MAD1L1: variants seen among roughly 807,000 people sequenced by gnomAD.
The protein encoded by MAD1L1 is mitotic spindle assembly checkpoint protein MAD1.
In MAD1L1, 95 loss-of-function variants were observed where a neutral mutation model predicts 96.9. The ratio of observed to expected loss-of-function variants is 0.98; its 90% confidence interval spans 0.83 to 1.16. MAD1L1 has a LOEUF of 1.16. Among genes scored for constraint, MAD1L1 ranks in the 50% most tolerant of loss-of-function variants. The pLI, the probability that MAD1L1 is intolerant of heterozygous loss-of-function variation, is 0.00. For missense variants in MAD1L1, 1,007 were observed against 954.4 expected (o/e 1.06, Z -0.73); for synonymous variants, 473 against 396.6 (o/e 1.19, Z -2.29).
chr7:2,213,346 A>G, intron 9 of MAD1L1, 73 bp from the exon 10 acceptor site: 1 of 1,406,244 alleles, frequency 7.1e-7, no homozygotes, highest in Non-Finnish European at 1.0e-6. Context: ...GACAATCATG[A>G]TCACGGTGCT....
chr7:2,213,838 C>A (rs1793114449), intron 9 of MAD1L1, among the ~76,000 whole-genome samples: 1 of 152,228 alleles, frequency 6.6e-6, no homozygotes, highest in African/African-American at 2.4e-5. Context: ...ATGCCTGTCC[C>A]ATGCTGAGCC....
chr7:2,085,088 A>C (rs1297391456), intron 11 of MAD1L1, among the ~76,000 whole-genome samples: 1 of 152,136 alleles, frequency 6.6e-6, no homozygotes, highest in East Asian at 1.9e-4. Context: ...CAAGAATTCA[A>C]CGCCGGTCTT....
At chr7:2,184,596 G>T (rs1791370941) in intron 10 of MAD1L1, among the ~76,000 whole-genome samples, 1 of 152,216 alleles carries the variant, frequency 6.6e-6, no homozygotes, top group Non-Finnish European at 1.5e-5. Context: ...CACATGAGAT[G>T]TGGATGTGAA....
chr7:2,162,872 CTTTTTT>C (rs1027364147), intron 10 of MAD1L1, among the ~76,000 whole-genome samples: 2 of 133,794 alleles, frequency 1.5e-5, no homozygotes, highest in Non-Finnish European at 1.6e-5. Context: ...GGAGTTTCAT[CTTTTTT>C]TTTTTTTTTG....
intron 16 of MAD1L1, among the ~76,000 whole-genome samples, chr7:1,941,257 G>A (rs867351102): frequency 8.5e-5 from 13 of 152,238 alleles, no homozygotes; most frequent in Middle Eastern, 3.4e-3. Flanking sequence ...AACGTTCCAC[G>A]GGCAGGAACG....
chr7:2,075,892 G>A (rs1049980714), intron 11 of MAD1L1, among the ~76,000 whole-genome samples: 8 of 152,172 alleles, frequency 5.3e-5, no homozygotes, highest in Admixed American at 3.3e-4. Context: ...GTGAGCACCC[G>A]CCAAGGCAAG....
intron 17 of MAD1L1, among the ~76,000 whole-genome samples, chr7:1,924,333 C>G (rs1357881182): frequency 6.6e-6 from 1 of 152,222 alleles, no homozygotes; most frequent in African/African-American, 2.4e-5. Flanking sequence ...CACATGAATT[C>G]CTTCCCGTCC....
intron 18 of MAD1L1, among the ~76,000 whole-genome samples, chr7:1,889,847 C>G (rs1393968632): frequency 6.6e-6 from 1 of 152,164 alleles, no homozygotes; most frequent in African/African-American, 2.4e-5. Context: ...CCCACCCAGG[C>G]AGAGGCCCAG....
intron 9 of MAD1L1, 92 bp downstream of exon 9, chr7:2,215,793 G>T: frequency 8.6e-7 from 1 of 1,160,444 alleles, no homozygotes; most frequent in Non-Finnish European, 1.3e-6. Flanking sequence ...CATGTTGTAG[G>T]TGAGCAGCTG....
At chr7:1,966,096 T>C (rs545805635) in intron 15 of MAD1L1, among the ~76,000 whole-genome samples, 1 of 152,332 alleles carries the variant, frequency 6.6e-6, no homozygotes, top group African/African-American at 2.4e-5. Context: ...ATAGCTAAGC[T>C]GACAGGCACT....
intron 10 of MAD1L1, among the ~76,000 whole-genome samples, chr7:2,159,579 T>C (rs976381687): frequency 2.0e-5 from 3 of 152,222 alleles, no homozygotes; most frequent in African/African-American, 7.2e-5. Context: ...TGTTTTTTAT[T>C]TTGTTCTGTT....
In MAD1L1 at chr7:2,216,249, T is replaced by C. The variant is rs1279578380; in HGVS notation, c.717A>G (p.Ala239=). 1.2e-6 allele frequency: 2 copies of C among 1,614,156 alleles called. No homozygotes were observed. Among genetic ancestry groups the C allele is most frequent in the Non-Finnish European group, 1.7e-6 (2 of 1,180,042 alleles). ...EQKLSLQEQD[A]AIVKNMKSEL... is the part of the protein sequence containing the mutation. The stretch of plus-strand genomic sequence containing the variant: ...CAGACTTCATGTTCTTCACAATCGC[T>C]GCATCCTGCTCTTGCAGGGACAGCT... Residue 239 remains alanine (A), a synonymous_variant, in exon 8 of 19, where the codon GCA becomes GCG. Coordinates refer to ENST00000265854, the MANE Select transcript of MAD1L1 (RefSeq NM_001013836.2).
intron 11 of MAD1L1, among the ~76,000 whole-genome samples, chr7:2,144,134 C>T (rs781442205): frequency 1.3e-5 from 2 of 152,340 alleles, no homozygotes; most frequent in South Asian, 2.1e-4. Flanking sequence ...CCTGGACGCA[C>T]GTCCTGCTTT....
At chr7:1,885,325 T>C (rs57314879) in intron 18 of MAD1L1, among the ~76,000 whole-genome samples, 2,834 of 152,182 alleles carry the variant, frequency 0.019, 77 homozygotes, top group African/African-American at 0.065. Flanking sequence ...CGCGGGTCCT[T>C]TGTTCTCGGT....
chr7:2,131,610 C>T (rs1788512548), intron 11 of MAD1L1, among the ~76,000 whole-genome samples: 1 of 152,246 alleles, frequency 6.6e-6, no homozygotes, highest in Non-Finnish European at 1.5e-5. Context: ...CTCATCCTCA[C>T]AAATGTGCTG....
At chr7:1,941,813 C>G (rs1247674847) in intron 16 of MAD1L1, among the ~76,000 whole-genome samples, 1 of 152,252 alleles carries the variant, frequency 6.6e-6, no homozygotes, top group East Asian at 1.9e-4. Flanking sequence ...CAAGCCTGGG[C>G]TCCATAACTG....
At position 2,105,319 on chromosome 7, in the gene MAD1L1, G is replaced by C. The variant is rs1860828; in HGVS notation, c.1074-35981C>G. Among the ~76,000 whole-genome samples, 497 of 152,234 alleles carry C rather than the reference G, an allele frequency of 3.3e-3. 5 individuals are homozygous for C. The highest frequency in any genetic ancestry group is 0.011 in the African/African-American group (475 of 41,538). On this transcript the variant is annotated intron_variant, in intron 11 of 18. Coordinates refer to ENST00000265854, the MANE Select transcript of MAD1L1 (RefSeq NM_001013836.2). ...AGCCAGCAGCGAGGTGGAGTGAGGG[G>C]GCCCAGCTAAGAGCAGGGGAGGAAG...
In MAD1L1 at chr7:2,014,498, T is replaced by C; in HGVS notation, c.1359+4A>G. ...ACGTGAGCCCCACGCCCGCGGCCCC[T>C]CACCTCCATCTCGGCGCTGTGGCTG... On this transcript the variant is annotated splice_donor_region_variant and intron_variant, in intron 13 of 18. Coordinates refer to ENST00000265854, the MANE Select transcript of MAD1L1 (RefSeq NM_001013836.2). 1.3e-6 allele frequency: 2 copies of C among 1,573,792 alleles called. No homozygotes were observed. Among genetic ancestry groups the C allele is most frequent in the Non-Finnish European group, 8.6e-7 (1 of 1,161,322 alleles).
At chr7:1,990,619 C>G (rs994049454) in intron 14 of MAD1L1, among the ~76,000 whole-genome samples, 17 of 152,264 alleles carry the variant, frequency 1.1e-4, no homozygotes, top group African/African-American at 4.1e-4. Flanking sequence ...TGCACCGCCC[C>G]TGGGATGAGG....
Sources: gnomAD v4.1 joint callset for allele counts (sites outside exome capture counted in the v4.1 genomes callset) on GRCh38, gnomAD v4.1.1 for gene constraint, MANE v1.5 for transcripts, NCBI Gene and HGNC (gene_info 2026-07-23, HGNC 2026-07-21) for gene names.